Variants in NCK2 observed in about 807,000 individuals in gnomAD.
The protein encoded by NCK2 is cytoplasmic protein NCK2.
A neutral mutation model predicts 33.9 loss-of-function variants in NCK2; 16 were observed. The observed-to-expected ratio is 0.47, with a 90% CI of 0.32 to 0.72. The LOEUF (loss-of-function observed/expected upper bound fraction) is 0.72, where lower values mean the gene tolerates loss of function less well. NCK2 is among the 30% of genes least tolerant of loss of function. The pLI, the probability that NCK2 is intolerant of heterozygous loss-of-function variation, is 0.03. For missense variants in NCK2, 418 were observed against 537.3 expected (o/e 0.78, Z 2.19); for synonymous variants, 273 against 239.9 (o/e 1.14, Z -1.27).
intron 2 of NCK2, among the ~76,000 whole-genome samples, chr2:105,829,605 T>C (rs529744535): frequency 2.9e-4 from 44 of 152,198 alleles, no homozygotes; most frequent in Non-Finnish European, 6.0e-4. Context: ...GGGTATTTTT[T>C]ACAAAGTCCC....
At chr2:105,775,662 A>T (rs576292577) in intron 1 of NCK2, among the ~76,000 whole-genome samples, 1 of 152,268 alleles carries the variant, frequency 6.6e-6, no homozygotes, top group Admixed American at 6.5e-5. Flanking sequence ...TAATCAGCTA[A>T]TTACAACTGT....
intron 3 of NCK2, among the ~76,000 whole-genome samples, chr2:105,880,125 C>T (rs1457663582): frequency 6.6e-6 from 1 of 152,188 alleles, no homozygotes; most frequent in Non-Finnish European, 1.5e-5. Context: ...AGCATTTTTC[C>T]TCATGCACAG....
intron 3 of NCK2, among the ~76,000 whole-genome samples, chr2:105,864,263 G>T (rs988359466): frequency 6.6e-6 from 1 of 152,162 alleles, no homozygotes; most frequent in Non-Finnish European, 1.5e-5. Flanking sequence ...GCAGTGGGAG[G>T]TGGGGGACGG....
chr2:105,746,800 T>G (rs1021755515), intron 1 of NCK2, among the ~76,000 whole-genome samples: 2 of 152,132 alleles, frequency 1.3e-5, no homozygotes, highest in Non-Finnish European at 2.9e-5. Context: ...TTAGATGTAG[T>G]TTTGATTGGA....
At chr2:105,749,878 A>C (rs1689397193) in intron 1 of NCK2, among the ~76,000 whole-genome samples, 1 of 152,096 alleles carries the variant, frequency 6.6e-6, no homozygotes, top group Non-Finnish European at 1.5e-5. Flanking sequence ...AGAATAACAC[A>C]CAGAGGCCGG....
Position 105,855,283 on chromosome 2 carries a change from A to G in NCK2, c.220A>G (p.Thr74Ala). The G allele has an allele frequency of 6.3e-7, 1 of 1,597,426 alleles. No homozygotes were observed. Among genetic ancestry groups the G allele is most frequent in the Non-Finnish European group, 8.5e-7 (1 of 1,169,704 alleles). Residue 74 changes from threonine (T) to alanine (A), a missense_variant, in exon 3 of 5, where the codon ACA (threonine) becomes GCA (alanine). Physicochemically the swap from Thr to Ala is moderately conservative, Grantham distance 58. Transcript: ENST00000233154. ...CTCCCTCGTGAAGAACCTGAAGGACACACTAGGTGAGTGTTTCACCCTCGA... is the reference window on the plus strand; with the variant it reads ...CTCCCTCGTGAAGAACCTGAAGGACGCACTAGGTGAGTGTTTCACCCTCGA... ...KGSLVKNLKD[T>A]LGLGKTRRKT...
intron 1 of NCK2, among the ~76,000 whole-genome samples, chr2:105,770,124 T>TA (rs76726445): frequency 0.011 from 1,353 of 126,740 alleles, 11 homozygotes; most frequent in Middle Eastern, 0.017. Flanking sequence ...CACTAATAAG[T>TA]AAAAAAAAAA....
rs939837752 is a variant in NCK2 at position 105,799,897 on chromosome 2, C to CT, written c.-200-16523dup. ...TGATTGAAAATCATTAATGACATAA[C>CT]TTTTTTTTTTAACAGTGAGAGAAAC... is the stretch of plus-strand genomic sequence containing the variant. On this transcript the variant is annotated intron_variant, in intron 1 of 4. Transcript: ENST00000233154. Among the ~76,000 whole-genome samples the CT allele has an allele frequency of 5.9e-4, 88 of 150,096 alleles. 1 individual carries two copies. The highest frequency in any genetic ancestry group is 1.8e-3 in the East Asian group (9 of 5,126).
chr2:105,862,268 ACTAAG>A (rs1211609664), intron 3 of NCK2, among the ~76,000 whole-genome samples: 1 of 152,188 alleles, frequency 6.6e-6, no homozygotes, highest in East Asian at 1.9e-4. Flanking sequence ...TGTGCTTCAT[ACTAAG>A]CATGCTGATT....
intron 1 of NCK2, among the ~76,000 whole-genome samples, chr2:105,811,660 G>A (rs544652560): frequency 6.6e-6 from 1 of 152,304 alleles, no homozygotes; most frequent in East Asian, 1.9e-4. Flanking sequence ...TCCTTTGTCA[G>A]GGAGTGTGTT....
chr2:105,790,525 G>A (rs1441698610), intron 1 of NCK2, among the ~76,000 whole-genome samples: 1 of 152,218 alleles, frequency 6.6e-6, no homozygotes, highest in East Asian at 1.9e-4. Context: ...CCACTGAGAG[G>A]AGCCACCTCT....
At chr2:105,788,224 A>G (rs1337400926) in intron 1 of NCK2, among the ~76,000 whole-genome samples, 1 of 152,200 alleles carries the variant, frequency 6.6e-6, no homozygotes, top group Non-Finnish European at 1.5e-5. Flanking sequence ...TAGAAAACCT[A>G]GGTACTAGTG....
intron 1 of NCK2, among the ~76,000 whole-genome samples, chr2:105,775,313 T>C (rs1558831100): frequency 6.6e-6 from 1 of 152,226 alleles, no homozygotes; most frequent in Non-Finnish European, 1.5e-5. Flanking sequence ...AATCCTGGTG[T>C]GCCTGTCACT....
chr2:105,772,894 CAT>C (rs1690179960), intron 1 of NCK2, among the ~76,000 whole-genome samples: 1 of 62,184 alleles, frequency 1.6e-5, no homozygotes, highest in African/African-American at 5.5e-5. Context: ...CACGTGTCCA[CAT>C]TTTTTTTTTT....
intron 1 of NCK2, among the ~76,000 whole-genome samples, chr2:105,764,235 G>A (rs1442424540): frequency 1.3e-5 from 2 of 152,230 alleles, no homozygotes; most frequent in Non-Finnish European, 2.9e-5. Context: ...AGCACCTGTG[G>A]CACCACAGCC....
chr2:105,752,921 C>T (rs1236779002), intron 1 of NCK2, among the ~76,000 whole-genome samples: 1 of 152,218 alleles, frequency 6.6e-6, no homozygotes, highest in African/African-American at 2.4e-5. Context: ...GACACACACA[C>T]ACACATTGTA....
In NCK2 at chr2:105,894,191, G is replaced by A. The variant is rs1199110935; in HGVS notation, c.*1015G>A. On this transcript the variant is annotated 3_prime_UTR_variant, in exon 5 of 5. Transcript: ENST00000233154. ...ACGTCTTGAGATGGCACATTCCTAC[G>A]ATTGAAGAAGGGGTCTTGAGATCCC... 4 of 152,544 alleles carry A rather than the reference G, an allele frequency of 2.6e-5. No homozygotes were observed. The highest frequency in any genetic ancestry group is 4.2e-4 in the South Asian group (2 of 4,804). 9.4% of individuals were successfully genotyped at this position (152,544 alleles called of 1,614,324 possible).
chr2:105,769,329 A>G (rs926970639), intron 1 of NCK2, among the ~76,000 whole-genome samples: 7 of 118,622 alleles, frequency 5.9e-5, no homozygotes, highest in African/African-American at 2.4e-4. Flanking sequence ...CCCTCCTCTC[A>G]GTAAAACAGC....
intron 1 of NCK2, among the ~76,000 whole-genome samples, chr2:105,791,471 C>T (rs1273174533): frequency 6.6e-6 from 1 of 152,194 alleles, no homozygotes; most frequent in Non-Finnish European, 1.5e-5. Flanking sequence ...GCCCCGTTGC[C>T]GTGCTTACCG....
Sources: allele counts gnomAD v4.1 joint callset (sites outside exome capture counted in the v4.1 genomes callset), GRCh38; gene constraint gnomAD v4.1.1; transcripts MANE v1.5; gene names NCBI Gene and HGNC (gene_info 2026-07-23, HGNC 2026-07-21).